ST6GAL1: variants seen among roughly 807,000 people sequenced by gnomAD.
The protein encoded by ST6GAL1 is beta-galactoside alpha-2,6-sialyltransferase 1.
Under a neutral mutation model 38.0 loss-of-function variants are expected in ST6GAL1, and 20 were observed. The ratio of observed to expected loss-of-function variants is 0.53; its 90% CI spans 0.37 to 0.77. The LOEUF is 0.77. ST6GAL1 is among the 30% of genes least tolerant of loss of function. The probability of loss-of-function intolerance (pLI) is 0.00; values close to 1 mark genes in which losing one functional copy is unlikely to be tolerated. For missense variants in ST6GAL1, 432 were observed against 496.4 expected (o/e 0.87, Z 1.23); for synonymous variants, 196 against 188.2 (o/e 1.04, Z -0.34).
intron 2 of ST6GAL1, among the ~76,000 whole-genome samples, chr3:187,023,820 CACATGTAT>C (rs1717417385): frequency 6.6e-6 from 1 of 151,156 alleles, no homozygotes; most frequent in Non-Finnish European, 1.5e-5. Context: ...ACCAACATGG[CACATGTAT>C]ACATATGTAA....
At position 186,977,853 on chromosome 3, in the gene ST6GAL1, A is replaced by G. The variant is rs749265263; in HGVS notation, c.-183+13927A>G. ...AGTGGTCACTATCCTCATCACTTGA[A>G]ATAGTTTTAATTTTCAGTACAAGCC... On this transcript the variant is annotated intron_variant, in intron 2 of 7. Coordinates refer to ENST00000169298, the MANE Select transcript of ST6GAL1 (RefSeq NM_173216.2). Among the ~76,000 whole-genome samples the G allele has an allele frequency of 4.9e-4, 75 of 152,236 alleles. 1 individual carries two copies. Among genetic ancestry groups the G allele is most frequent in the Non-Finnish European group, 1.5e-4 (10 of 68,044 alleles).
intron 2 of ST6GAL1, among the ~76,000 whole-genome samples, chr3:186,998,628 A>G (rs1013938225): frequency 2.0e-5 from 3 of 152,190 alleles, no homozygotes; most frequent in African/African-American, 7.2e-5. Context: ...AAAAATCTGC[A>G]TATAAATGGA....
intron 1 of ST6GAL1, among the ~76,000 whole-genome samples, chr3:186,956,271 TG>T (rs1714747264): frequency 6.6e-6 from 1 of 152,206 alleles, no homozygotes. Flanking sequence ...CAAAAATTTG[TG>T]AAAGTCAAGC....
At chr3:186,986,777 A>G (rs1038970623) in intron 2 of ST6GAL1, 7 of 152,156 alleles carry the variant, frequency 4.6e-5, no homozygotes, top group Middle Eastern at 3.2e-3. Context: ...AAGACCCCAG[A>G]CTTGCGATCA....
intron 2 of ST6GAL1, among the ~76,000 whole-genome samples, chr3:186,971,746 A>G (rs1189726299): frequency 6.6e-6 from 1 of 152,234 alleles, no homozygotes; most frequent in Non-Finnish European, 1.5e-5. Flanking sequence ...ATGAGCAAAC[A>G]TCCTGTAAGT....
intron 1 of ST6GAL1, among the ~76,000 whole-genome samples, chr3:186,935,922 A>G (rs538504573): frequency 8.5e-5 from 13 of 152,272 alleles, no homozygotes; most frequent in Non-Finnish European, 1.8e-4. Flanking sequence ...GAACCTTCAC[A>G]CATAAGTGAG....
rs771758045 is a variant in ST6GAL1 at position 187,051,268 on chromosome 3, G to C, written c.627G>C (p.Leu209=). ...GREIDDHDAV[L]RFNGAPTANF... ...TTATAGATGATCATGACGCAGTCCT[G>C]AGGTTTAATGGGGCACCCACAGCCA... is the stretch of plus-strand genomic sequence containing the variant. Residue 209 remains leucine, a synonymous_variant, in exon 5 of 8, where the codon CTG becomes CTC. Transcript: ENST00000169298. 1.9e-6 allele frequency: 3 copies of C among 1,613,956 alleles called. No individual in the cohort carries two copies. The highest frequency in any genetic ancestry group is 1.7e-6 in the Non-Finnish European group (2 of 1,179,980).
intron 2 of ST6GAL1, among the ~76,000 whole-genome samples, chr3:186,980,486 G>A (rs1009461597): frequency 6.6e-6 from 1 of 151,950 alleles, no homozygotes; most frequent in African/African-American, 2.4e-5. Flanking sequence ...TCGGATGGGC[G>A]CGGTGGCTCA....
chr3:187,075,710 G>T lies in ST6GAL1; in HGVS notation c.1128G>T (p.Lys376Asn). 1 of 1,614,244 alleles carries T rather than the reference G, an allele frequency of 6.2e-7. No individual in the cohort carries two copies. The highest frequency in any genetic ancestry group is 8.5e-7 in the Non-Finnish European group (1 of 1,180,044). Reference protein sequence around the residue: ...MGAYHPLLYEKNLVKHLNQGT... With the variant: ...MGAYHPLLYENNLVKHLNQGT... The stretch of plus-strand genomic sequence containing the variant: ...CCTACCACCCGCTGCTCTATGAGAA[G>T]AATTTGGTGAAGCATCTCAACCAGG... Residue 376 changes from lysine to asparagine, a missense_variant, in exon 8 of 8, where the codon AAG (lysine) becomes AAT (asparagine). Physicochemically the swap from Lys to Asn is moderately conservative, Grantham distance 94. Coordinates refer to ENST00000169298, the MANE Select transcript of ST6GAL1 (RefSeq NM_173216.2). This position sits in a 1 kb window ranked among gnomAD's most constrained non-coding sequence, Gnocchi z 4.1.
intron 1 of ST6GAL1, among the ~76,000 whole-genome samples, chr3:186,943,332 C>T (rs970989288): frequency 7.9e-5 from 12 of 152,188 alleles, no homozygotes; most frequent in African/African-American, 2.9e-4. Flanking sequence ...GGTTGATATT[C>T]CTGGAGAGAA....
intron 1 of ST6GAL1, among the ~76,000 whole-genome samples, chr3:186,946,268 G>A (rs866763854): frequency 1.3e-4 from 19 of 151,704 alleles, no homozygotes; most frequent in Middle Eastern, 3.4e-3. Context: ...AGCTGAGGTC[G>A]TGCCACTCTA....
At chr3:186,993,047 A>G (rs545316080) in intron 2 of ST6GAL1, among the ~76,000 whole-genome samples, 2 of 148,466 alleles carry the variant, frequency 1.3e-5, no homozygotes, top group Admixed American at 1.4e-4. Flanking sequence ...CCCTCCCATC[A>G]CTCCCCTCCT....
At chr3:187,014,075 G>T (rs1218688283) in intron 2 of ST6GAL1, among the ~76,000 whole-genome samples, 3 of 152,180 alleles carry the variant, frequency 2.0e-5, no homozygotes, top group Non-Finnish European at 4.4e-5. Flanking sequence ...AGGTTTGCCA[G>T]CTCTCATTTA....
intron 5 of ST6GAL1, among the ~76,000 whole-genome samples, chr3:187,058,537 A>C (rs913948306): frequency 6.6e-6 from 1 of 152,056 alleles, no homozygotes; most frequent in Non-Finnish European, 1.5e-5. Context: ...TTTTAAGAAA[A>C]TCACTTTCTA....
At chr3:187,037,658 A>G (rs1356003498) in intron 2 of ST6GAL1, among the ~76,000 whole-genome samples, 1 of 152,024 alleles carries the variant, frequency 6.6e-6, no homozygotes, top group East Asian at 1.9e-4. Context: ...AGCTCACTGC[A>G]GCCTCTAACT....
chr3:187,052,344 A>G (rs1205593343), intron 5 of ST6GAL1, among the ~76,000 whole-genome samples: 1 of 152,144 alleles, frequency 6.6e-6, no homozygotes, highest in Non-Finnish European at 1.5e-5. Flanking sequence ...CATGTGCACA[A>G]TGTGCAGATT....
intron 2 of ST6GAL1, among the ~76,000 whole-genome samples, chr3:186,965,705 G>A (rs1715087651): frequency 6.6e-6 from 1 of 152,132 alleles, no homozygotes; most frequent in Non-Finnish European, 1.5e-5. Context: ...TCAGGAGGCC[G>A]CCTCCTCACA....
chr3:186,948,841 G>A (rs1714477823), intron 1 of ST6GAL1: 1 of 152,584 alleles, frequency 6.6e-6, no homozygotes, highest in Non-Finnish European at 1.5e-5. Flanking sequence ...ATGATGACTG[G>A]TTTCTCTGCA....
At chr3:186,968,393 C>T (rs1381518217) in intron 2 of ST6GAL1, among the ~76,000 whole-genome samples, 1 of 152,186 alleles carries the variant, frequency 6.6e-6, no homozygotes, top group African/African-American at 2.4e-5. Flanking sequence ...AAACCCTGCA[C>T]ATACTTAAAT....
Sources: allele counts gnomAD v4.1 joint callset (sites outside exome capture counted in the v4.1 genomes callset), GRCh38; gene constraint gnomAD v4.1.1; non-coding constraint Gnocchi (gnomAD v3.1); transcripts MANE v1.5; gene names NCBI Gene and HGNC (gene_info 2026-07-23, HGNC 2026-07-21).